The following ARHGAP44 variants were observed in gnomAD, a reference collection of about 807,000 sequenced individuals.
ARHGAP44 encodes the protein Rho GTPase activating protein 44.
A neutral mutation model predicts 106.8 loss-of-function variants in ARHGAP44; 43 were observed. That is an observed-to-expected ratio of 0.40 (90% CI 0.32 to 0.52). The LOEUF (loss-of-function observed/expected upper bound fraction) is 0.52, where lower values mean the gene tolerates loss of function less well. Ranked by LOEUF, ARHGAP44 falls within the 20% of genes least tolerant of loss-of-function variation. The probability of loss-of-function intolerance (pLI) is 0.48; values close to 1 mark genes in which losing one functional copy is unlikely to be tolerated. For synonymous variants in ARHGAP44, 439 were observed against 410.3 expected, an observed-to-expected ratio of 1.07 and a Z score of -0.85; for missense variants, 866 against 1,050.5, an observed-to-expected ratio of 0.82 and a Z score of 2.43.
At chr17:12,898,993 A>G (rs2037295972) in intron 3 of ARHGAP44, among the ~76,000 whole-genome samples, 1 of 150,866 alleles carries the variant, frequency 6.6e-6, no homozygotes, top group African/African-American at 2.4e-5. Flanking sequence ...TTATTTTGAG[A>G]CAGAGTCTCA....
intron 1 of ARHGAP44, among the ~76,000 whole-genome samples, chr17:12,886,973 TTG>T (rs1423709696): frequency 0.084 from 9,098 of 108,868 alleles, 459 homozygotes; most frequent in African/African-American, 0.2. Context: ...AGTTTTTTTT[TTG>T]TTTTTTTTTT....
At chr17:12,791,831 C>T (rs2033769970) in intron 1 of ARHGAP44, among the ~76,000 whole-genome samples, 3 of 152,156 alleles carry the variant, frequency 2.0e-5, no homozygotes, top group African/African-American at 7.2e-5. Flanking sequence ...TGAATTCTGC[C>T]TTTCTCCGTT....
Position 12,939,757 on chromosome 17 carries a change from C to T in ARHGAP44, c.583-1299C>T, listed in dbSNP as rs145076715. ...CTGGGATTACAGGCGTGAGCCACCA[C>T]GCCCGGCCAATGAATCTTAACTTCT... On this transcript the variant is annotated intron_variant, in intron 7 of 20. Transcript: ENST00000379672. Among the ~76,000 whole-genome samples, 77 of 152,332 alleles carry T rather than the reference C, an allele frequency of 5.1e-4. 1 individual carries two copies. The East Asian group carries it at 7.2e-3, about 14-fold the overall frequency.
intron 1 of ARHGAP44, among the ~76,000 whole-genome samples, chr17:12,852,862 G>T (rs769693397): frequency 2.0e-5 from 3 of 152,148 alleles, no homozygotes; most frequent in Non-Finnish European, 2.9e-5. Flanking sequence ...TTTAAAAAAA[G>T]TTGTTTTGTT....
At chr17:12,970,187 T>C (rs2058089) in intron 16 of ARHGAP44, among the ~76,000 whole-genome samples, 89,577 of 151,298 alleles carry the variant, frequency 0.59, 28,031 homozygotes, top group East Asian at 0.85. Context: ...GGTAACATGG[T>C]GAAACTCATC....
intron 6 of ARHGAP44, among the ~76,000 whole-genome samples, chr17:12,923,184 G>A (rs910966518): frequency 1.3e-5 from 2 of 152,078 alleles, no homozygotes; most frequent in African/African-American, 4.8e-5. Context: ...TGAGTTTAGG[G>A]ATAGGGAATT....
At chr17:12,916,263 A>C (rs1023281777) in intron 5 of ARHGAP44, among the ~76,000 whole-genome samples, 2 of 152,038 alleles carry the variant, frequency 1.3e-5, no homozygotes, top group Admixed American at 6.6e-5. Context: ...CTGGCAGCTT[A>C]CCCGCTTCCC....
chr17:12,954,065 T>G (rs2039065521), intron 13 of ARHGAP44, among the ~76,000 whole-genome samples: 1 of 150,810 alleles, frequency 6.6e-6, no homozygotes, highest in South Asian at 2.1e-4. Flanking sequence ...TTTTTGTGTT[T>G]TTTTTTTTTT....
At chr17:12,940,430 G>A (rs1367678347) in intron 7 of ARHGAP44, among the ~76,000 whole-genome samples, 1 of 152,158 alleles carries the variant, frequency 6.6e-6, no homozygotes, top group Non-Finnish European at 1.5e-5. Context: ...GCAGCATTGG[G>A]TCACCCAATC....
At chr17:12,930,522 G>C (rs1295247233) in intron 7 of ARHGAP44, among the ~76,000 whole-genome samples, 1 of 152,158 alleles carries the variant, frequency 6.6e-6, no homozygotes, top group African/African-American at 2.4e-5. Context: ...ACAGGCGTGA[G>C]CCACCGTGCC....
intron 12 of ARHGAP44, among the ~76,000 whole-genome samples, chr17:12,952,077 A>G (rs906379820): frequency 4.6e-5 from 7 of 152,216 alleles, no homozygotes; most frequent in Non-Finnish European, 8.8e-5. Context: ...TTACCAGGAC[A>G]GTGCAAGATA....
At position 12,935,440 on chromosome 17, in the gene ARHGAP44, C is replaced by G. The variant is rs191122174; in HGVS notation, c.583-5616C>G. Among the ~76,000 whole-genome samples the G allele has an allele frequency of 2.9e-3, 436 of 151,956 alleles. 3 individuals carry two copies. The highest frequency in any genetic ancestry group is 9.8e-3 in the African/African-American group (408 of 41,458). Reference sequence around the variant, plus strand: ...CAAAAATTAGCTGGGTGTGGTGGCTCATACCTATAATTCCAGCTACTTGGG... The same window carrying G: ...CAAAAATTAGCTGGGTGTGGTGGCTGATACCTATAATTCCAGCTACTTGGG... On this transcript the variant is annotated intron_variant, in intron 7 of 20. Coordinates refer to ENST00000379672, the MANE Select transcript of ARHGAP44 (RefSeq NM_014859.6).
At chr17:12,862,280 C>T (rs893241496) in intron 1 of ARHGAP44, among the ~76,000 whole-genome samples, 11 of 152,062 alleles carry the variant, frequency 7.2e-5, no homozygotes, top group African/African-American at 1.4e-4. Context: ...CTGAGAGACA[C>T]GGGGAGCAAG....
intron 18 of ARHGAP44, 125 bp from the exon 19 acceptor site, chr17:12,979,933 C>G (rs2039788234): frequency 1.9e-6 from 2 of 1,069,524 alleles, no homozygotes; most frequent in African/African-American, 1.6e-5. Context: ...GGGGCCAAGA[C>G]AGACCAGAGC....
chr17:12,868,619 A>G (rs1337041625), intron 1 of ARHGAP44, among the ~76,000 whole-genome samples: 2 of 140,862 alleles, frequency 1.4e-5, no homozygotes, highest in African/African-American at 5.3e-5. Context: ...ATATATATAT[A>G]TATATATATA....
At chr17:12,972,293 G>T (rs1302232094) in intron 16 of ARHGAP44, among the ~76,000 whole-genome samples, 1 of 152,156 alleles carries the variant, frequency 6.6e-6, no homozygotes, top group Non-Finnish European at 1.5e-5. Context: ...GATGACAGCA[G>T]CAGTACCTCC....
chr17:12,937,166 G>A (rs527253859), intron 7 of ARHGAP44, among the ~76,000 whole-genome samples: 1 of 152,296 alleles, frequency 6.6e-6, no homozygotes, highest in Admixed American at 6.5e-5. Flanking sequence ...AATTGCTAGA[G>A]GGGGTTGGCG....
At chr17:12,860,844 T>A (rs1482121247) in intron 1 of ARHGAP44, among the ~76,000 whole-genome samples, 1 of 138,728 alleles carries the variant, frequency 7.2e-6, no homozygotes, top group Non-Finnish European at 1.5e-5. Flanking sequence ...CGGTATATGG[T>A]TTTTTTCTAT....
intron 8 of ARHGAP44, 62 bp from the exon 9 acceptor site, chr17:12,943,526 T>C: frequency 6.5e-7 from 1 of 1,536,252 alleles, no homozygotes; most frequent in Non-Finnish European, 9.0e-7. Flanking sequence ...ATGCTTTGCA[T>C]GCCATGGCAG....
Sources: allele counts gnomAD v4.1 joint callset (sites outside exome capture counted in the v4.1 genomes callset), GRCh38; gene constraint gnomAD v4.1.1; transcripts MANE v1.5; gene names NCBI Gene and HGNC (gene_info 2026-07-23, HGNC 2026-07-21).